The following CCDC137 variants were observed in gnomAD, a reference collection of about 807,000 sequenced individuals.
CCDC137 encodes the protein coiled-coil domain containing 137, also known as coiled-coil domain-containing protein 137.
Under a neutral mutation model 30.4 loss-of-function variants are expected in CCDC137, and 24 were observed. The ratio of observed to expected loss-of-function variants is 0.79; its 90% CI spans 0.57 to 1.11. The LOEUF (loss-of-function observed/expected upper bound fraction) is 1.11. CCDC137 is among the 50% of genes least tolerant of loss of function. The probability of loss-of-function intolerance (pLI) is 0.00; values close to 1 mark genes in which losing one functional copy is unlikely to be tolerated. For missense variants in CCDC137, 417 were observed against 380.4 expected (o/e 1.10, Z -0.80); for synonymous variants, 182 against 155.7 (o/e 1.17, Z -1.26).
Position 81,672,594 on chromosome 17 carries a change from G to A in CCDC137, c.760G>A (p.Glu254Lys). 6.3e-7 allele frequency: 1 copy of A among 1,585,320 alleles called. No homozygotes were observed. Among genetic ancestry groups the A allele is most frequent in the Non-Finnish European group, 8.6e-7 (1 of 1,166,738 alleles). ...SLARQRIVEE[E>K]RERAVQAYRA... ...GGCCCGCCAGCGGATTGTGGAGGAGGAGAGAGAGCGGGCCGTGCAGGCCTA... is the reference window on the plus strand; with the variant it reads ...GGCCCGCCAGCGGATTGTGGAGGAGAAGAGAGAGCGGGCCGTGCAGGCCTA... The change falls in exon 6 of 6, where the codon GAG becomes AAG. Residue 254 changes from glutamate to lysine, a missense_variant. By Grantham distance (56) the Glu-to-Lys change is moderately conservative. Coordinates refer to ENST00000329214, the MANE Select transcript of CCDC137 (RefSeq NM_199287.3).
At chr17:81,667,006 A>T in intron 1 of CCDC137, 106 bp downstream of exon 1, 1 of 1,185,476 alleles carries the variant, frequency 8.4e-7, no homozygotes, top group Non-Finnish European at 1.1e-6. Flanking sequence ...CCCCTTCCCC[A>T]GGTCGGGCTC....
chr17:81,669,039 G>T (rs1276171267), intron 2 of CCDC137, among the ~76,000 whole-genome samples: 2 of 152,014 alleles, frequency 1.3e-5, no homozygotes, highest in South Asian at 4.1e-4. Flanking sequence ...ACAGGCACAC[G>T]CCACCAAGCC....
In CCDC137 at chr17:81,671,795, G is replaced by C; in HGVS notation, c.549G>C (p.Ala183=). 6.2e-7 allele frequency: 1 copy of C among 1,613,284 alleles called. No individual in the cohort carries two copies. The highest frequency in any genetic ancestry group is 1.1e-5 in the South Asian group (1 of 91,002). ...TCCGACGGAAAAAGGAGGAAAAGGC[G>C]GCAGACAGGCTGGAGCAGGAGTTGC... is the stretch of plus-strand genomic sequence containing the variant. ...DKVRRKKEEK[A]ADRLEQELLR... is the part of the protein sequence containing the mutation. Residue 183 remains alanine (A), a synonymous_variant, in exon 4 of 6, where the codon GCG becomes GCC. Transcript: ENST00000329214.
rs1271279557 is a variant in CCDC137 at position 81,670,229 on chromosome 17, G to C, written c.273G>C (p.Gln91His). 2.5e-6 allele frequency: 4 copies of C among 1,613,522 alleles called. No individual in the cohort carries two copies. In the South Asian group the frequency reaches 4.4e-5, roughly 18 times the overall value. ...ISNKKRKKAA[Q>H]VTFRKTLEKE... Reference sequence around the variant, plus strand: ...GAGGCCTCCCTTTGTCCTCAGCCCAGGTGACCTTCAGAAAGACATTGGAGA... The same window carrying C: ...GAGGCCTCCCTTTGTCCTCAGCCCACGTGACCTTCAGAAAGACATTGGAGA... The change falls in exon 3 of 6, where the codon CAG (glutamine) becomes CAC (histidine). Residue 91 changes from glutamine to histidine, a missense_variant. Physicochemically the swap from Gln to His is conservative, Grantham distance 24. Transcript: ENST00000329214.
chr17:81,667,318 TC>T (rs376366692), intron 1 of CCDC137, among the ~76,000 whole-genome samples: 7 of 146,194 alleles, frequency 4.8e-5, no homozygotes, highest in East Asian at 2.0e-4. Flanking sequence ...ATAGATAGAT[TC>T]TTTTTTTTTT....
intron 2 of CCDC137, among the ~76,000 whole-genome samples, chr17:81,669,781 T>C (rs1046506210): frequency 1.3e-5 from 2 of 151,468 alleles, no homozygotes; most frequent in African/African-American, 4.9e-5. Context: ...CAGGATGGTC[T>C]GAATCTCCTG....
At chr17:81,672,321 T>C (rs576970433) in intron 5 of CCDC137, among the ~76,000 whole-genome samples, 166 bp downstream of exon 5, 1 of 151,456 alleles carries the variant, frequency 6.6e-6, no homozygotes, top group South Asian at 2.1e-4. Context: ...CTGGACAACA[T>C]AGCGAGATCC....
At position 81,673,792 on chromosome 17, in the gene CCDC137, C is replaced by T. The variant is rs549115549; in HGVS notation, c.*1088C>T. ...TCTGGCAAGTGAGGAGCGCCTCTGC[C>T]CGGCCGCTGTGCAACCTTCCAAGTG... On this transcript the variant is annotated 3_prime_UTR_variant, in exon 6 of 6. Coordinates refer to ENST00000329214, the MANE Select transcript of CCDC137 (RefSeq NM_199287.3). 6.6e-6 allele frequency: 1 copy of T among 152,404 alleles called. No homozygotes were observed. The highest frequency in any genetic ancestry group is 2.4e-5 in the African/African-American group (1 of 41,586). 9.4% of individuals were successfully genotyped at this position (152,404 alleles called of 1,614,324 possible).
Position 81,671,826 on chromosome 17 carries a change from G to A in CCDC137, c.580G>A (p.Asp194Asn), listed in dbSNP as rs1194077781. The A allele has an allele frequency of 1.2e-6, 2 of 1,613,392 alleles. No individual in the cohort carries two copies. Among genetic ancestry groups the A allele is most frequent in the Non-Finnish European group, 1.7e-6 (2 of 1,179,814 alleles). Reference sequence around the variant, plus strand: ...CAGGCTGGAGCAGGAGTTGCTCCGAGGTAGCTCTTCCCAAAGCGATGGTGT... The same window carrying A: ...CAGGCTGGAGCAGGAGTTGCTCCGAAGTAGCTCTTCCCAAAGCGATGGTGT... ...ADRLEQELLR[D>N]TVKFGEVVLQ... is the part of the protein sequence containing the mutation. Residue 194 changes from aspartate (D) to asparagine (N), a missense_variant and splice_region_variant, in exon 4 of 6, where the codon GAC (aspartate) becomes AAC (asparagine). By Grantham distance (23) the Asp-to-Asn change is conservative. Transcript: ENST00000329214.
intron 3 of CCDC137, 104 bp from the exon 4 acceptor site, chr17:81,671,640 C>T: frequency 8.7e-7 from 1 of 1,143,266 alleles, no homozygotes. Flanking sequence ...TTCTTGGGTC[C>T]CTGCTCTGCC....
At chr17:81,667,892 G>T (rs777884493) in intron 2 of CCDC137, 30 bp downstream of exon 2, 9 of 1,604,432 alleles carry the variant, frequency 5.6e-6, no homozygotes, top group Non-Finnish European at 6.8e-6. Flanking sequence ...GGGCGGCAGT[G>T]AAGCTTTGTG....
At chr17:81,671,705 G>A (rs767203734) in intron 3 of CCDC137, 39 bp from the exon 4 acceptor site, 2 of 1,606,424 alleles carry the variant, frequency 1.2e-6, no homozygotes, top group Non-Finnish European at 1.7e-6. Flanking sequence ...GGTGGAAAGA[G>A]AATTTAGGAA....
At chr17:81,667,516 A>G (rs1236404890) in intron 1 of CCDC137, among the ~76,000 whole-genome samples, 3 of 151,708 alleles carry the variant, frequency 2.0e-5, no homozygotes, top group African/African-American at 7.3e-5. Context: ...TTTAGTAGAG[A>G]CGGGGTTTCA....
rs751934934 is a variant in CCDC137, at chr17:81,671,829, A to G, written c.580+3A>G. 6.2e-7 allele frequency: 1 copy of G among 1,613,240 alleles called. No individual in the cohort carries two copies. Among genetic ancestry groups the G allele is most frequent in the Admixed American group, 1.7e-5 (1 of 59,866 alleles). On this transcript the variant is annotated splice_donor_region_variant and intron_variant, in intron 4 of 5. Transcript: ENST00000329214. ...GCTGGAGCAGGAGTTGCTCCGAGGT[A>G]GCTCTTCCCAAAGCGATGGTGTCAG...
intron 3 of CCDC137, chr17:81,671,478 C>T (rs1021809161): frequency 4.0e-6 from 2 of 498,754 alleles, no homozygotes; most frequent in Non-Finnish European, 7.3e-6. Context: ...CGTGTCTGCA[C>T]ACATTGTCAG....
chr17:81,667,908 C>T (rs1568199909), intron 2 of CCDC137, 46 bp downstream of exon 2: 1 of 1,590,888 alleles, frequency 6.3e-7, no homozygotes, highest in Non-Finnish European at 8.5e-7. Context: ...TTGTGTGTCT[C>T]AACCCGCCCA....
chr17:81,672,954 G>T lies in CCDC137; in HGVS notation c.*250G>T. The T allele has an allele frequency of 1.8e-6, 1 of 544,788 alleles. No individual in the cohort carries two copies. The allele number at this position is 544,788 out of a possible 1,614,324, so 33.7% of individuals were successfully genotyped here. A position where few individuals can be genotyped will look rare whatever the true frequency, so the allele number is the denominator to read the frequency against. ...ACAGCTCCATCTCTTTGTTTTGAACGTCCATTCTGAGTCTCAGCCCAGGTG... is the reference window on the plus strand; with the variant it reads ...ACAGCTCCATCTCTTTGTTTTGAACTTCCATTCTGAGTCTCAGCCCAGGTG... On this transcript the variant is annotated 3_prime_UTR_variant, in exon 6 of 6. Coordinates refer to ENST00000329214, the MANE Select transcript of CCDC137 (RefSeq NM_199287.3).
rs2036740044 is a variant in CCDC137, at chr17:81,672,976, G to C, written c.*272G>C. 2 of 513,696 alleles carry C rather than the reference G, an allele frequency of 3.9e-6. No homozygotes were observed. The highest frequency in any genetic ancestry group is 1.9e-5 in the African/African-American group (1 of 52,086). 31.8% of individuals were successfully genotyped at this position (513,696 alleles called of 1,614,324 possible). ...AACGTCCATTCTGAGTCTCAGCCCAGGTGGACCTTAGGAAGGGCTGGATCC... is the reference window on the plus strand; with the variant it reads ...AACGTCCATTCTGAGTCTCAGCCCACGTGGACCTTAGGAAGGGCTGGATCC... On this transcript the variant is annotated 3_prime_UTR_variant, in exon 6 of 6. Transcript: ENST00000329214.
At position 81,672,112 on chromosome 17, in the gene CCDC137, C is replaced by G. The variant is rs373936708; in HGVS notation, c.617C>G (p.Pro206Arg). ...VKFGEVVLQP[P>R]ELTARPQRSV... ...TTTGGTGAGGTTGTCCTGCAGCCCC[C>G]AGAGCTGACTGCCAGGCCCCAGAGG... is the stretch of plus-strand genomic sequence containing the variant. The change falls in exon 5 of 6, where the codon CCA (proline) becomes CGA (arginine). Residue 206 changes from proline to arginine, a missense_variant. By Grantham distance (103) the Pro-to-Arg change is moderately radical. Coordinates refer to ENST00000329214, the MANE Select transcript of CCDC137 (RefSeq NM_199287.3). 2 of 1,614,114 alleles carry G rather than the reference C, an allele frequency of 1.2e-6. No individual in the cohort carries two copies. Among genetic ancestry groups the G allele is most frequent in the Non-Finnish European group, 1.7e-6 (2 of 1,180,010 alleles).
Sources: allele counts gnomAD v4.1 joint callset (sites outside exome capture counted in the v4.1 genomes callset), GRCh38; gene constraint gnomAD v4.1.1; transcripts MANE v1.5; gene names NCBI Gene and HGNC (gene_info 2026-07-23, HGNC 2026-07-21).